The following CAPRIN1 variants were observed in gnomAD, a reference collection of about 807,000 sequenced individuals.
CAPRIN1 encodes caprin-1.
In CAPRIN1, 29 loss-of-function variants were observed where a neutral mutation model predicts 100.9. That is an observed-to-expected ratio of 0.29 (90% CI 0.21 to 0.39). CAPRIN1 has a LOEUF of 0.39. Among genes scored for constraint, CAPRIN1 ranks in the 10% least tolerant of loss-of-function variants. The probability of loss-of-function intolerance (pLI) is 1.00; values close to 1 mark genes in which losing one functional copy is unlikely to be tolerated. For synonymous variants in CAPRIN1, 338 were observed against 307.5 expected (o/e 1.10, Z -1.04); for missense variants, 795 against 876.7 (o/e 0.91, Z 1.18).
At chr11:34,061,841 T>C (rs4074368) in intron 2 of CAPRIN1, among the ~76,000 whole-genome samples, 15,534 of 151,832 alleles carry the variant, frequency 0.1, 865 homozygotes, top group African/African-American at 0.15. Context: ...CGTAGTGGCT[T>C]ATGCCTGTAA....
At chr11:34,062,885 A>G (rs958708270) in intron 2 of CAPRIN1, among the ~76,000 whole-genome samples, 7 of 152,100 alleles carry the variant, frequency 4.6e-5, no homozygotes, top group African/African-American at 1.7e-4. Context: ...TTTTTTTCAG[A>G]TGTTTCCTCC....
At chr11:34,070,734 C>T (rs540439389) in intron 2 of CAPRIN1, among the ~76,000 whole-genome samples, 1 of 150,286 alleles carries the variant, frequency 6.7e-6, no homozygotes, top group Non-Finnish European at 1.5e-5. Flanking sequence ...CAAAATTTCA[C>T]TCTTGTTGCC....
At chr11:34,059,061 A>G (rs897224237) in intron 2 of CAPRIN1, among the ~76,000 whole-genome samples, 1 of 152,062 alleles carries the variant, frequency 6.6e-6, no homozygotes, top group Non-Finnish European at 1.5e-5. Flanking sequence ...TAGCTCATTT[A>G]TTTCTTTCTT....
At chr11:34,091,861 A>G in intron 14 of CAPRIN1, 45 bp from the exon 15 acceptor site, 15 of 1,555,536 alleles carry the variant, frequency 9.6e-6, no homozygotes, top group Non-Finnish European at 1.3e-5. Flanking sequence ...GTTATAAACC[A>G]GAGAATAAAA....
chr11:34,052,782 C>T (rs1850354406), intron 2 of CAPRIN1, 146 bp downstream of exon 2: 3 of 1,433,360 alleles, frequency 2.1e-6, no homozygotes, highest in Admixed American at 2.8e-5. Flanking sequence ...CACGCCCCGT[C>T]TCCACGTTCA....
intron 2 of CAPRIN1, among the ~76,000 whole-genome samples, chr11:34,063,960 G>C (rs1850632961): frequency 6.6e-6 from 1 of 152,094 alleles, no homozygotes; most frequent in Non-Finnish European, 1.5e-5. Flanking sequence ...TAGAGACGGG[G>C]TTTCTCCATG....
At position 34,090,253 on chromosome 11, in the gene CAPRIN1, G is replaced by C; in HGVS notation, c.1368G>C (p.Glu456Asp). The C allele has an allele frequency of 6.2e-7, 1 of 1,613,932 alleles. No homozygotes were observed. The highest frequency in any genetic ancestry group is 8.5e-7 in the Non-Finnish European group (1 of 1,179,878). The change falls in exon 13 of 19, where the codon GAG becomes GAC. Residue 456 changes from glutamate to aspartate, a missense_variant. Physicochemically the swap from Glu to Asp is conservative, Grantham distance 45. This residue lies in a region of CAPRIN1 where 648 missense variants were observed against 697.9 expected (regional missense o/e 0.93). Transcript: ENST00000341394. ...TGTACCAGCCTTCTCATGCTACAGA[G>C]CAACGACCACAGAAGGAACCAATTG... ...QPLYQPSHAT[E>D]QRPQKEPIDQ...
chr11:34,087,066 G>A (rs1197489320), intron 11 of CAPRIN1, among the ~76,000 whole-genome samples: 2 of 152,166 alleles, frequency 1.3e-5, no homozygotes, highest in South Asian at 2.1e-4. Flanking sequence ...TGAAGTAGTA[G>A]CACTAAATAC....
At chr11:34,068,034 A>G (rs772338542) in intron 2 of CAPRIN1, among the ~76,000 whole-genome samples, 33 of 152,160 alleles carry the variant, frequency 2.2e-4, no homozygotes, top group Non-Finnish European at 3.8e-4. Flanking sequence ...AGGGATTCAG[A>G]CAGGGCACAC....
chr11:34,095,383 C>G (rs1380811559), intron 15 of CAPRIN1, among the ~76,000 whole-genome samples: 1 of 152,200 alleles, frequency 6.6e-6, no homozygotes, highest in Non-Finnish European at 1.5e-5. Context: ...AAAAGGCAAT[C>G]TATGTAAAAA....
intron 7 of CAPRIN1, among the ~76,000 whole-genome samples, chr11:34,080,727 C>G (rs558808217): frequency 5.3e-4 from 81 of 152,292 alleles, no homozygotes; most frequent in Non-Finnish European, 7.1e-4. Flanking sequence ...TCAACACTTA[C>G]TAGCTCTGTA....
chr11:34,052,966 G>C (rs145449996), intron 2 of CAPRIN1: 14 of 1,109,852 alleles, frequency 1.3e-5, no homozygotes, highest in African/African-American at 1.7e-5. Context: ...TTCACTGTAT[G>C]GTGCCCTTCT....
At chr11:34,060,504 C>G (rs1304413468) in intron 2 of CAPRIN1, among the ~76,000 whole-genome samples, 1 of 152,048 alleles carries the variant, frequency 6.6e-6, no homozygotes, top group Admixed American at 6.6e-5. Context: ...TGTGCCTGGC[C>G]CCCCTCAATA....
At chr11:34,087,161 A>G (rs1054431994) in intron 11 of CAPRIN1, among the ~76,000 whole-genome samples, 3 of 152,184 alleles carry the variant, frequency 2.0e-5, no homozygotes, top group Admixed American at 6.5e-5. Flanking sequence ...CCCAGAACAC[A>G]TCAGTTTTAG....
In CAPRIN1 at chr11:34,091,921, G is replaced by C; in HGVS notation, c.1570G>C (p.Ala524Pro). The change falls in exon 15 of 19, where the codon GCC (alanine) becomes CCC (proline). Residue 524 changes from alanine (A) to proline (P), a missense_variant. Ala to Pro is a conservative substitution (Grantham distance 27, BLOSUM62 -1). This residue lies in a region of CAPRIN1 where 648 missense variants were observed against 697.9 expected (regional missense o/e 0.93). Coordinates refer to ENST00000341394, the MANE Select transcript of CAPRIN1 (RefSeq NM_005898.5). Reference sequence around the variant, plus strand: ...TTACTAACAGGTGTTCAATATGAATGCCCCAGTTCCTCCTGTTAATGAACC... The same window carrying C: ...TTACTAACAGGTGTTCAATATGAATCCCCCAGTTCCTCCTGTTAATGAACC... ...QSMQTVFNMN[A>P]PVPPVNEPET... The C allele has an allele frequency of 6.2e-7, 1 of 1,611,814 alleles. No individual in the cohort carries two copies. The highest frequency in any genetic ancestry group is 1.7e-4 in the Middle Eastern group (1 of 6,048).
intron 18 of CAPRIN1, chr11:34,098,843 A>T: frequency 1.0e-6 from 1 of 985,408 alleles, no homozygotes; most frequent in African/African-American, 1.7e-5. Context: ...TCTTTTTAAC[A>T]GTTTAGGTAA....
intron 2 of CAPRIN1, among the ~76,000 whole-genome samples, chr11:34,060,333 T>C (rs1290825816): frequency 1.3e-5 from 2 of 152,124 alleles, no homozygotes; most frequent in Non-Finnish European, 2.9e-5. Context: ...AATACTGTTC[T>C]AAAAATATTT....
At chr11:34,086,489 T>C in intron 11 of CAPRIN1, 76 bp downstream of exon 11, 1 of 851,054 alleles carries the variant, frequency 1.2e-6, no homozygotes, top group Non-Finnish European at 1.9e-6. Context: ...ATTGTGAAAA[T>C]AAATTTTGTT....
intron 2 of CAPRIN1, among the ~76,000 whole-genome samples, chr11:34,066,961 A>G (rs994252543): frequency 3.8e-5 from 5 of 132,442 alleles, no homozygotes; most frequent in African/African-American, 1.4e-4. Flanking sequence ...AGACAGTCTT[A>G]CTCTGTTTCC....
Sources: allele counts gnomAD v4.1 joint callset (sites outside exome capture counted in the v4.1 genomes callset), GRCh38; gene constraint gnomAD v4.1.1; regional missense constraint gnomAD v4.1.1; transcripts MANE v1.5; gene names NCBI Gene and HGNC (gene_info 2026-07-23, HGNC 2026-07-21).